The following TNIK variants were observed in gnomAD, a reference collection of about 807,000 sequenced individuals.
TNIK encodes the protein TRAF2 and NCK-interacting protein kinase.
In TNIK, 49 loss-of-function variants were observed where a neutral mutation model predicts 191.3. The observed-to-expected ratio is 0.26, with a 90% CI of 0.20 to 0.32. TNIK has a LOEUF of 0.32. Ranked by LOEUF, TNIK falls within the 10% of genes least tolerant of loss-of-function variation. The probability of loss-of-function intolerance (pLI) is 1.00; values close to 1 mark genes in which losing one functional copy is unlikely to be tolerated. For missense variants in TNIK, 1,155 were observed against 1,702.3 expected (o/e 0.68, Z 5.66); for synonymous variants, 594 against 600.9 (o/e 0.99, Z 0.17).
At chr3:171,306,558 A>G (rs1200936371) in intron 2 of TNIK, among the ~76,000 whole-genome samples, 1 of 152,174 alleles carries the variant, frequency 6.6e-6, no homozygotes, top group African/African-American at 2.4e-5. Context: ...AAATTTAAAG[A>G]AGAAAAACTA....
At chr3:171,183,636 GC>G (rs1468983670) in intron 7 of TNIK, among the ~76,000 whole-genome samples, 1 of 151,938 alleles carries the variant, frequency 6.6e-6, no homozygotes, top group Non-Finnish European at 1.5e-5. Flanking sequence ...GTAAAAAATG[GC>G]CCCCACCGGG....
At chr3:171,302,958 G>A (rs575174088) in intron 2 of TNIK, among the ~76,000 whole-genome samples, 5 of 152,108 alleles carry the variant, frequency 3.3e-5, no homozygotes, top group East Asian at 1.9e-4. Flanking sequence ...TTGTGTCTAC[G>A]CAATGCAAAA....
At chr3:171,444,615 A>T (rs1023970469) in intron 1 of TNIK, among the ~76,000 whole-genome samples, 1 of 151,946 alleles carries the variant, frequency 6.6e-6, no homozygotes, top group East Asian at 1.9e-4. Flanking sequence ...CAATGCAAAG[A>T]ACAATGCAAA....
intron 4 of TNIK, among the ~76,000 whole-genome samples, chr3:171,198,628 GA>G (rs1739017467): frequency 6.6e-6 from 1 of 152,124 alleles, no homozygotes; most frequent in African/African-American, 2.4e-5. Context: ...TGGACATGTG[GA>G]TGGGGTGGAA....
chr3:171,328,368 C>G (rs1022753679), intron 2 of TNIK, among the ~76,000 whole-genome samples: 4 of 152,162 alleles, frequency 2.6e-5, no homozygotes, highest in African/African-American at 9.7e-5. Flanking sequence ...ATTTTTGTTG[C>G]AGCAGCCCAG....
intron 11 of TNIK, 105 bp from the exon 12 acceptor site, chr3:171,157,769 GGA>G: frequency 8.7e-7 from 1 of 1,154,288 alleles, no homozygotes; most frequent in Non-Finnish European, 1.2e-6. Context: ...CCACACACAG[GGA>G]AAGAAGAGCA....
At chr3:171,244,235 T>G (rs1460968666) in intron 2 of TNIK, among the ~76,000 whole-genome samples, 1 of 151,954 alleles carries the variant, frequency 6.6e-6, no homozygotes, top group Non-Finnish European at 1.5e-5. Context: ...CGGCTAATTT[T>G]TTGTATTTTT....
At chr3:171,248,062 G>A (rs571324626) in intron 2 of TNIK, among the ~76,000 whole-genome samples, 6 of 152,296 alleles carry the variant, frequency 3.9e-5, no homozygotes, top group Admixed American at 1.3e-4. Flanking sequence ...CTCTCACACA[G>A]AGGGAAAAGC....
At chr3:171,074,526 G>GA (rs1167079493) in intron 28 of TNIK, among the ~76,000 whole-genome samples, 20 of 148,396 alleles carry the variant, frequency 1.3e-4, no homozygotes, top group East Asian at 5.9e-4. Context: ...AAAAAGAAAA[G>GA]AAAAAAAAAT....
intron 1 of TNIK, among the ~76,000 whole-genome samples, chr3:171,384,754 A>G (rs901492868): frequency 1.3e-5 from 2 of 152,246 alleles, no homozygotes; most frequent in South Asian, 2.1e-4. Flanking sequence ...ATTAAAATAC[A>G]TGAAATATAA....
At chr3:171,383,362 C>T (rs892682334) in intron 1 of TNIK, among the ~76,000 whole-genome samples, 2 of 152,162 alleles carry the variant, frequency 1.3e-5, no homozygotes, top group African/African-American at 4.8e-5. Flanking sequence ...GAACTCAAAA[C>T]CTGCTTTTTG....
chr3:171,230,110 T>C (rs1441949278), intron 2 of TNIK, among the ~76,000 whole-genome samples: 19 of 152,136 alleles, frequency 1.2e-4, no homozygotes, highest in Admixed American at 1.2e-3. Context: ...TCCACAAGAT[T>C]GATAGGGAGA....
intron 2 of TNIK, among the ~76,000 whole-genome samples, chr3:171,319,923 C>T (rs1378627241): frequency 6.6e-6 from 1 of 152,142 alleles, no homozygotes; most frequent in Admixed American, 6.5e-5. Context: ...AGTCTCTAAA[C>T]ACTGAAATTT....
At chr3:171,401,515 G>C (rs1012089810) in intron 1 of TNIK, among the ~76,000 whole-genome samples, 1 of 152,008 alleles carries the variant, frequency 6.6e-6, no homozygotes. Context: ...GAGGGTTCAG[G>C]GTTCTCTCAA....
At chr3:171,323,081 G>T (rs1050263241) in intron 2 of TNIK, among the ~76,000 whole-genome samples, 2 of 151,696 alleles carry the variant, frequency 1.3e-5, no homozygotes, top group African/African-American at 4.8e-5. Flanking sequence ...TTTGTGTATT[G>T]TCTGTGGCAG....
At chr3:171,271,277 G>C (rs1000928584) in intron 2 of TNIK, among the ~76,000 whole-genome samples, 2 of 152,158 alleles carry the variant, frequency 1.3e-5, no homozygotes, top group African/African-American at 4.8e-5. Flanking sequence ...AATTTTCTAA[G>C]AGCCAGATAC....
intron 2 of TNIK, among the ~76,000 whole-genome samples, chr3:171,336,575 C>T (rs752183712): frequency 2.6e-4 from 40 of 152,150 alleles, no homozygotes; most frequent in Non-Finnish European, 3.8e-4. Context: ...ATAGTCCCCT[C>T]GGAGGGACCT....
intron 15 of TNIK, among the ~76,000 whole-genome samples, chr3:171,130,231 T>C (rs887416447): frequency 6.6e-6 from 1 of 152,204 alleles, no homozygotes; most frequent in East Asian, 1.9e-4. Context: ...CTCAATCAAA[T>C]ATACAAAGTA....
chr3:171,294,657 G>A (rs1752059054), intron 2 of TNIK, among the ~76,000 whole-genome samples: 1 of 152,100 alleles, frequency 6.6e-6, no homozygotes, highest in Non-Finnish European at 1.5e-5. Context: ...GGAAACGGAG[G>A]TTGCAGTGAG....
Sources: gnomAD v4.1 joint callset for allele counts (sites outside exome capture counted in the v4.1 genomes callset) on GRCh38, gnomAD v4.1.1 for gene constraint, MANE v1.5 for transcripts, NCBI Gene and HGNC (gene_info 2026-07-23, HGNC 2026-07-21) for gene names.